Variants in TRAPPC9 observed in about 807,000 individuals in gnomAD.
TRAPPC9 encodes trafficking protein particle complex subunit 9, also known as IKK2 binding protein.
Under a neutral mutation model 124.0 loss-of-function variants are expected in TRAPPC9, and 83 were observed. The observed-to-expected ratio is 0.67, with a 90% CI of 0.56 to 0.80. TRAPPC9 has a LOEUF of 0.80. Ranked by LOEUF, TRAPPC9 falls within the 30% of genes least tolerant of loss-of-function variation. The pLI, the probability that TRAPPC9 is intolerant of heterozygous loss-of-function variation, is 0.00. For missense variants in TRAPPC9, 1,302 were observed against 1,508.3 expected (o/e 0.86, Z 2.27); for synonymous variants, 638 against 617.5 (o/e 1.03, Z -0.49).
chr8:139,852,823 T>A (rs930866847), intron 21 of TRAPPC9, among the ~76,000 whole-genome samples: 2 of 152,200 alleles, frequency 1.3e-5, no homozygotes, highest in Non-Finnish European at 1.5e-5. Context: ...GGTAAGTTCA[T>A]GATCCTTTAT....
At chr8:139,854,129 ACTCT>A (rs1827659764) in intron 21 of TRAPPC9, among the ~76,000 whole-genome samples, 1 of 151,786 alleles carries the variant, frequency 6.6e-6, no homozygotes, top group Non-Finnish European at 1.5e-5. Context: ...AAAACTCATC[ACTCT>A]CTATCTGATT....
At chr8:140,393,542 A>C (rs1289920331) in intron 7 of TRAPPC9, among the ~76,000 whole-genome samples, 2 of 152,210 alleles carry the variant, frequency 1.3e-5, no homozygotes, top group Admixed American at 1.3e-4. Context: ...CCTGCACACA[A>C]AGAGAAGGAA....
intron 21 of TRAPPC9, among the ~76,000 whole-genome samples, chr8:139,736,853 A>T (rs947212340): frequency 6.6e-6 from 1 of 151,986 alleles, no homozygotes; most frequent in African/African-American, 2.4e-5. Flanking sequence ...GTCCTGGGGG[A>T]TCAGAGGAAA....
chr8:140,218,908 C>T (rs907944484), intron 17 of TRAPPC9, among the ~76,000 whole-genome samples: 2 of 151,846 alleles, frequency 1.3e-5, no homozygotes, highest in Admixed American at 6.6e-5. Flanking sequence ...TTCAGTGAGC[C>T]GAGATCGCAC....
chr8:139,937,700 C>T lies in TRAPPC9; in HGVS notation c.2811-27400G>A, dbSNP rs377403303. Reference sequence around the variant, plus strand: ...GAAGTGCTCCTGGCAGACGGCAGGGCAGTGAATGAAAACACTTGGAAGGCG... The same window carrying T: ...GAAGTGCTCCTGGCAGACGGCAGGGTAGTGAATGAAAACACTTGGAAGGCG... On this transcript the variant is annotated intron_variant, in intron 19 of 22. Transcript: ENST00000438773. Among the ~76,000 whole-genome samples, 184 of 152,310 alleles carry T rather than the reference C, an allele frequency of 1.2e-3. 3 individuals are homozygous for T. The highest frequency in any genetic ancestry group is 4.0e-3 in the African/African-American group (168 of 41,564).
chr8:139,945,144 A>C (rs1231553156), intron 19 of TRAPPC9, among the ~76,000 whole-genome samples: 1 of 152,176 alleles, frequency 6.6e-6, no homozygotes, highest in Non-Finnish European at 1.5e-5. Flanking sequence ...ATAATAAAGA[A>C]ATAAATAGTA....
intron 11 of TRAPPC9, among the ~76,000 whole-genome samples, chr8:140,291,546 C>A (rs951918119): frequency 4.6e-5 from 7 of 152,252 alleles, no homozygotes; most frequent in African/African-American, 1.7e-4. Flanking sequence ...TGTGCAGGGG[C>A]AGAATTCTGA....
chr8:140,423,643 AAC>A (rs1405245275), intron 5 of TRAPPC9, among the ~76,000 whole-genome samples: 2 of 103,702 alleles, frequency 1.9e-5, no homozygotes, highest in African/African-American at 3.0e-5. Flanking sequence ...ACACATATAT[AAC>A]ACATATACAT....
intron 9 of TRAPPC9, among the ~76,000 whole-genome samples, chr8:140,326,156 GC>G (rs2066730506): frequency 6.6e-6 from 1 of 151,344 alleles, no homozygotes; most frequent in South Asian, 2.1e-4. Flanking sequence ...GGAGGCCGAG[GC>G]GGGCGGATCA....
chr8:139,967,313 C>G (rs1403101895), intron 19 of TRAPPC9, among the ~76,000 whole-genome samples: 1 of 151,174 alleles, frequency 6.6e-6, no homozygotes, highest in Non-Finnish European at 1.5e-5. Flanking sequence ...GAGCCAAAAC[C>G]AGGCTGCAAT....
At position 139,792,348 on chromosome 8, in the gene TRAPPC9, C is replaced by T. The variant is rs547197531; in HGVS notation, c.3056-60146G>A. Among the ~76,000 whole-genome samples, 7 of 152,308 alleles carry T rather than the reference C, an allele frequency of 4.6e-5. No individual in the cohort carries two copies. In the East Asian group the frequency reaches 1.2e-3, roughly 25 times the overall value. On this transcript the variant is annotated intron_variant, in intron 21 of 22. Transcript: ENST00000438773. ...CCAGATGGCAGCAGGCAGGAAAGGC[C>T]TAGAGGCAGAGAGAACAGTGTGAGC...
intron 17 of TRAPPC9, among the ~76,000 whole-genome samples, chr8:140,058,566 A>G (rs542570895): frequency 6.6e-6 from 1 of 152,338 alleles, no homozygotes; most frequent in African/African-American, 2.4e-5. Flanking sequence ...AGTTCTCGCA[A>G]TACAGGACAA....
intron 21 of TRAPPC9, among the ~76,000 whole-genome samples, chr8:139,767,673 A>G (rs1820672479): frequency 6.6e-6 from 1 of 152,184 alleles, no homozygotes; most frequent in African/African-American, 2.4e-5. Context: ...CTGCACAGAG[A>G]AGTGGAAATA....
At chr8:140,301,026 G>T (rs1002867615) in intron 10 of TRAPPC9, among the ~76,000 whole-genome samples, 1 of 152,200 alleles carries the variant, frequency 6.6e-6, no homozygotes, top group Non-Finnish European at 1.5e-5. Flanking sequence ...TGGACCCATG[G>T]GGAGGATCCA....
At chr8:140,038,371 G>C (rs762218140) in intron 17 of TRAPPC9, among the ~76,000 whole-genome samples, 1 of 152,346 alleles carries the variant, frequency 6.6e-6, no homozygotes, top group African/African-American at 2.4e-5. Flanking sequence ...TGCATCCAAA[G>C]CTGGCCTTCA....
chr8:140,458,573 C>G (rs751849963), upstream of TRAPPC9: 4 of 1,563,650 alleles, frequency 2.6e-6, no homozygotes, highest in African/African-American at 5.4e-5. Flanking sequence ...ATGGCACTCC[C>G]GACTTTGAGG....
chr8:140,120,781 TCATC>T (rs72460838), intron 17 of TRAPPC9, among the ~76,000 whole-genome samples: 1,363 of 135,842 alleles, frequency 0.01, 22 homozygotes, highest in African/African-American at 0.036. Flanking sequence ...ATCCATTCAT[TCATC>T]CATCCAACAT....
intron 21 of TRAPPC9, among the ~76,000 whole-genome samples, chr8:139,844,700 C>T (rs1826956883): frequency 6.6e-6 from 1 of 152,178 alleles, no homozygotes; most frequent in Non-Finnish European, 1.5e-5. Flanking sequence ...GGAGTGGGGA[C>T]TGGAATAAGC....
At chr8:140,249,903 T>C (rs1484199365) in intron 16 of TRAPPC9, among the ~76,000 whole-genome samples, 2 of 152,004 alleles carry the variant, frequency 1.3e-5, no homozygotes, top group Non-Finnish European at 2.9e-5. Flanking sequence ...CCACCGTGCC[T>C]GGCCTGATCT....
Sources: gnomAD v4.1 joint callset for allele counts (sites outside exome capture counted in the v4.1 genomes callset) on GRCh38, gnomAD v4.1.1 for gene constraint, MANE v1.5 for transcripts, NCBI Gene and HGNC (gene_info 2026-07-23, HGNC 2026-07-21) for gene names.